Variants in IL17RB observed in about 807,000 individuals in gnomAD.
IL17RB encodes the protein interleukin-17 receptor B.
A neutral mutation model predicts 43.9 loss-of-function variants in IL17RB; 36 were observed. The ratio of observed to expected loss-of-function variants is 0.82; its 90% CI spans 0.63 to 1.08. IL17RB has a LOEUF of 1.08. Among genes scored for constraint, IL17RB ranks in the 50% least tolerant of loss-of-function variants. The pLI is 0.00. For synonymous variants in IL17RB, 225 were observed against 225.4 expected (o/e 1.00, Z 0.02); for missense variants, 613 against 613.6 (o/e 1.00, Z 0.01).
At chr3:53,846,852 A>G (rs1176464458) in intron 1 of IL17RB, among the ~76,000 whole-genome samples, 2 of 152,236 alleles carry the variant, frequency 1.3e-5, no homozygotes, top group Admixed American at 6.5e-5. Context: ...ACCCGGTCTC[A>G]GATGCCACCC....
intron 5 of IL17RB, among the ~76,000 whole-genome samples, chr3:53,854,085 C>T (rs1039017135): frequency 4.0e-5 from 6 of 151,872 alleles, no homozygotes; most frequent in Admixed American, 1.3e-4. Flanking sequence ...TTAGTAGAGA[C>T]GGGGTTTCAC....
chr3:53,862,206 A>G (rs1363307997), intron 10 of IL17RB, among the ~76,000 whole-genome samples: 1 of 152,150 alleles, frequency 6.6e-6, no homozygotes, highest in African/African-American at 2.4e-5. Flanking sequence ...GTTCAACACT[A>G]AAGTCCTCAG....
chr3:53,858,330 T>C (rs993977698), intron 8 of IL17RB: 7 of 1,019,110 alleles, frequency 6.9e-6, no homozygotes, highest in East Asian at 9.1e-5. Context: ...TGGAGAACCA[T>C]AGACTTCCCT....
chr3:53,857,615 G>A lies in IL17RB; in HGVS notation c.673-1G>A, dbSNP rs1263690330. 1 of 1,613,908 alleles carries A rather than the reference G, an allele frequency of 6.2e-7. No individual in the cohort carries two copies. The highest frequency in any genetic ancestry group is 8.5e-7 in the Non-Finnish European group (1 of 1,179,896). ...TAATTCTTGACTCTCTCTCTCTTAA[G>A]CCACACCAGAAGAAACAAACGCGAG... On this transcript the variant is annotated splice_acceptor_variant, in intron 7 of 10. Coordinates refer to ENST00000288167, the MANE Select transcript of IL17RB (RefSeq NM_018725.4). LOFTEE classifies it high-confidence loss of function.
chr3:53,854,583 C>T (rs971074982), intron 5 of IL17RB, among the ~76,000 whole-genome samples: 2 of 152,204 alleles, frequency 1.3e-5, no homozygotes, highest in East Asian at 1.9e-4. Flanking sequence ...ACAGAGGTGC[C>T]GGGCCCTTCT....
chr3:53,864,880 A>C lies in IL17RB; in HGVS notation c.1081A>C (p.Ser361Arg). The part of the protein sequence containing the change: ...FTEFLQNHCR[S>R]EVILEKWQKK... ...TGAATTTCTTCAAAACCATTGCAGAAGTGAGGTCATCCTTGAAAAGTGGCA... is the reference window on the plus strand; with the variant it reads ...TGAATTTCTTCAAAACCATTGCAGACGTGAGGTCATCCTTGAAAAGTGGCA... Residue 361 changes from serine to arginine, a missense_variant, in exon 11 of 11, where the codon AGT (serine) becomes CGT (arginine). By Grantham distance (110) the Ser-to-Arg change is moderately radical. Transcript: ENST00000288167. 6.2e-7 allele frequency: 1 copy of C among 1,614,244 alleles called. No individual in the cohort carries two copies. Among genetic ancestry groups the C allele is most frequent in the Non-Finnish European group, 8.5e-7 (1 of 1,180,042 alleles).
intron 10 of IL17RB, among the ~76,000 whole-genome samples, chr3:53,863,892 G>C (rs1180962613): frequency 6.7e-6 from 1 of 148,394 alleles, no homozygotes; most frequent in Non-Finnish European, 1.5e-5. Context: ...GTGTGATCTT[G>C]GCTCACTGCA....
Position 53,846,597 on chromosome 3 carries a change from C to T in IL17RB, c.9C>T (p.Leu3=), listed in dbSNP as rs746854566. 1.6e-5 allele frequency: 26 copies of T among 1,586,182 alleles called. No individual in the cohort carries two copies. Among genetic ancestry groups the T allele is most frequent in the East Asian group, 2.3e-5 (1 of 42,616 alleles). Residue 3 remains leucine (L), a synonymous_variant, in exon 1 of 11, where the codon CTC becomes CTT. Coordinates refer to ENST00000288167, the MANE Select transcript of IL17RB (RefSeq NM_018725.4). MS[L]VLLSLAALCR... is the part of the protein sequence containing the mutation. ...CGCGCAGTGGCCCGGCGATGTCGCT[C>T]GTGCTGCTAAGCCTGGCCGCGCTGT...
intron 10 of IL17RB, among the ~76,000 whole-genome samples, chr3:53,864,189 T>C (rs1438516830): frequency 6.6e-6 from 1 of 152,142 alleles, no homozygotes; most frequent in South Asian, 2.1e-4. Context: ...GTTGAGAGGA[T>C]TGTTTTAGTG....
At chr3:53,855,169 T>C (rs1270501857) in intron 5 of IL17RB, 125 bp from the exon 6 acceptor site, 2 of 448,572 alleles carry the variant, frequency 4.5e-6, no homozygotes, top group Non-Finnish European at 8.2e-6. Flanking sequence ...TTTGCCATCT[T>C]ACATCTGGAA....
At chr3:53,852,245 G>A (rs374269218) in intron 4 of IL17RB, 119 bp downstream of exon 4, 43 of 922,562 alleles carry the variant, frequency 4.7e-5, no homozygotes, top group South Asian at 6.2e-5. Flanking sequence ...GGGCTCAAGC[G>A]ATCGTTCTAC....
chr3:53,852,082 TAC>T lies in IL17RB; in HGVS notation c.314_315del (p.Thr105ArgfsTer13). 2 of 1,614,140 alleles carry T rather than the reference TAC, an allele frequency of 1.2e-6. No individual in the cohort carries two copies. The highest frequency in any genetic ancestry group is 1.7e-6 in the Non-Finnish European group (2 of 1,180,012). On this transcript the variant is annotated frameshift_variant, in exon 4 of 11. Transcript: ENST00000288167. LOFTEE classifies it high-confidence loss of function. Reference protein sequence around the residue: ...FQSYSCVRCNYTEAFQTQTRP... With the variant: ...FQSYSCVRCNXTEAFQTQTRP... ...GTCCTACAGCTGTGTGAGGTGCAAT[TAC>T]ACAGAGGCCTTCCAGACTCAGACCA...
chr3:53,851,168 A>G (rs1285992803), intron 3 of IL17RB, among the ~76,000 whole-genome samples: 1 of 152,194 alleles, frequency 6.6e-6, no homozygotes, highest in Non-Finnish European at 1.5e-5. Context: ...TGGGATCCTA[A>G]TGCCCATCCT....
intron 1 of IL17RB, 64 bp downstream of exon 1, chr3:53,846,712 C>T: frequency 6.7e-7 from 1 of 1,484,854 alleles, no homozygotes; most frequent in Non-Finnish European, 9.1e-7. Flanking sequence ...CTGACGTCGT[C>T]TGATCCGCCA....
At chr3:53,858,475 A>T in intron 8 of IL17RB, 1 of 1,342,506 alleles carries the variant, frequency 7.4e-7, no homozygotes, top group Non-Finnish European at 9.6e-7. Flanking sequence ...GCGAACTGGT[A>T]TGTTAGTAAC....
chr3:53,861,241 T>C (rs554807379), intron 10 of IL17RB: 3 of 152,176 alleles, frequency 2.0e-5, no homozygotes, highest in Non-Finnish European at 4.4e-5. Flanking sequence ...GAAGTGCCAC[T>C]AGTAATGCTG....
intron 6 of IL17RB, among the ~76,000 whole-genome samples, 161 bp downstream of exon 6, chr3:53,855,502 C>G (rs1390573214): frequency 6.6e-6 from 1 of 152,150 alleles, no homozygotes; most frequent in Non-Finnish European, 1.5e-5. Flanking sequence ...CTCCTGATCT[C>G]CAGCCAGTAC....
chr3:53,858,184 C>A, intron 8 of IL17RB: 1 of 209,898 alleles, frequency 4.8e-6, no homozygotes, highest in African/African-American at 2.3e-5. Flanking sequence ...GAGGTGGGGA[C>A]ACAGGAGGTC....
intron 7 of IL17RB, 64 bp from the exon 8 acceptor site, chr3:53,857,552 T>C: frequency 6.8e-7 from 1 of 1,466,210 alleles, no homozygotes; most frequent in Non-Finnish European, 9.6e-7. Context: ...CCCAAAGTGT[T>C]GGGATTACAG....
Sources: allele counts gnomAD v4.1 joint callset (sites outside exome capture counted in the v4.1 genomes callset), GRCh38; gene constraint gnomAD v4.1.1; transcripts MANE v1.5; gene names NCBI Gene and HGNC (gene_info 2026-07-23, HGNC 2026-07-21).